The following ELP3 variants were observed in gnomAD, a reference collection of about 807,000 sequenced individuals.
ELP3 encodes elongator complex protein 3.
A neutral mutation model predicts 74.9 loss-of-function variants in ELP3; 56 were observed. That is an observed-to-expected ratio of 0.75 (90% CI 0.60 to 0.93). The LOEUF is 0.93. ELP3 is among the 40% of genes least tolerant of loss of function. The pLI, the probability that ELP3 is intolerant of heterozygous loss-of-function variation, is 0.00. For synonymous variants in ELP3, 222 were observed against 239.8 expected, an observed-to-expected ratio of 0.93 and a Z score of 0.68; for missense variants, 573 against 686.5, an observed-to-expected ratio of 0.83 and a Z score of 1.85.
At chr8:28,159,645 C>T (rs373911599) in intron 12 of ELP3, among the ~76,000 whole-genome samples, 1 of 152,190 alleles carries the variant, frequency 6.6e-6, no homozygotes, top group African/African-American at 2.4e-5. Context: ...AAGCTTCCCC[C>T]CAGAAGCTAC....
chr8:28,157,289 C>CAAAA (rs35938340), intron 11 of ELP3, among the ~76,000 whole-genome samples: 24 of 106,742 alleles, frequency 2.2e-4, no homozygotes, highest in African/African-American at 7.0e-4. Flanking sequence ...AAAAGCATGC[C>CAAAA]AAAAAAAAAA....
intron 14 of ELP3, among the ~76,000 whole-genome samples, chr8:28,185,036 G>T (rs1815182455): frequency 6.6e-6 from 1 of 152,138 alleles, no homozygotes; most frequent in South Asian, 2.1e-4. Context: ...ATGGGTGCAG[G>T]GAGGTTCAGT....
intron 14 of ELP3, among the ~76,000 whole-genome samples, chr8:28,189,224 C>T (rs925593198): frequency 6.6e-6 from 1 of 152,244 alleles, no homozygotes; most frequent in Admixed American, 6.5e-5. Context: ...CTCTTTAAAA[C>T]TTCTGGGAAA....
chr8:28,134,372 G>A lies in ELP3; in HGVS notation c.906+1968G>A, dbSNP rs186390008. On this transcript the variant is annotated intron_variant, in intron 9 of 14. Transcript: ENST00000256398. ...GCAAGGACAACCTTTCTTGTAAACA[G>A]ATTTATTTGCTTGTTTGTAGTCTTT... is the stretch of plus-strand genomic sequence containing the variant. 3.3e-5 allele frequency among the ~76,000 whole-genome samples: 5 copies of A among 152,176 alleles called. No individual in the cohort carries two copies. The South Asian group carries it at 1.0e-3, about 32-fold the overall frequency.
intron 7 of ELP3, among the ~76,000 whole-genome samples, chr8:28,121,002 CT>C (rs1306476116): frequency 6.6e-6 from 1 of 152,092 alleles, no homozygotes; most frequent in Non-Finnish European, 1.5e-5. Flanking sequence ...TTCAAAATTG[CT>C]TTAGAAATTC....
At chr8:28,158,539 A>T in intron 11 of ELP3, 29 bp from the exon 12 acceptor site, 1 of 1,574,322 alleles carries the variant, frequency 6.4e-7, no homozygotes, top group Non-Finnish European at 8.7e-7. Context: ...CCACCCCCCA[A>T]CCCCGCTCAC....
Position 28,129,572 on chromosome 8 carries a change from CG to C in ELP3, c.689del (p.Arg230HisfsTer3). ...IETRPDYCMK[R>X]HLSDMLTYGC... ...AACCAGACCAGATTACTGCATGAAG[CG>C]ACATTTAAGTGACATGTTGACCTAT... On this transcript the variant is annotated frameshift_variant, in exon 8 of 15. Coordinates refer to ENST00000256398, the MANE Select transcript of ELP3 (RefSeq NM_018091.6). LOFTEE classifies it high-confidence loss of function. 6.2e-7 allele frequency: 1 copy of C among 1,614,138 alleles called. No individual in the cohort carries two copies.
intron 14 of ELP3, among the ~76,000 whole-genome samples, chr8:28,188,600 G>A (rs1815333563): frequency 1.3e-5 from 2 of 152,212 alleles, no homozygotes; most frequent in African/African-American, 4.8e-5. Flanking sequence ...TCCACTTGCT[G>A]GGAGCATGGT....
chr8:28,091,018 T>C (rs34247390), upstream of ELP3, among the ~76,000 whole-genome samples: 1 of 149,922 alleles, frequency 6.7e-6, no homozygotes, highest in East Asian at 2.0e-4. Flanking sequence ...GCCATTCTCC[T>C]GCCTCAGCCT....
intron 7 of ELP3, among the ~76,000 whole-genome samples, chr8:28,128,515 G>C (rs1043234180): frequency 4.6e-5 from 7 of 152,108 alleles, no homozygotes; most frequent in African/African-American, 1.4e-4. Flanking sequence ...AGAGAAGTCT[G>C]GGGTGGGTCC....
intron 3 of ELP3, among the ~76,000 whole-genome samples, chr8:28,102,989 G>T (rs537857806): frequency 6.6e-6 from 1 of 152,152 alleles, no homozygotes; most frequent in Non-Finnish European, 1.5e-5. Context: ...GGCCAACATG[G>T]TGAAACCCTG....
At chr8:28,097,157 C>G (rs1156584480) in intron 1 of ELP3, 62 bp from the exon 2 acceptor site, 2 of 1,178,404 alleles carry the variant, frequency 1.7e-6, no homozygotes, top group African/African-American at 3.0e-5. Flanking sequence ...GCTACTAAAT[C>G]AGATTTTAAA....
At position 28,107,911 on chromosome 8, in the gene ELP3, A is replaced by G. The variant is rs1243262120; in HGVS notation, c.330-2A>G. 8.7e-6 allele frequency: 14 copies of G among 1,613,628 alleles called. No homozygotes were observed. Among genetic ancestry groups the G allele is most frequent in the Non-Finnish European group, 2.5e-6 (3 of 1,179,782 alleles). On this transcript the variant is annotated splice_acceptor_variant, in intron 4 of 14. Transcript: ENST00000256398. LOFTEE classifies it high-confidence loss of function. ...ATTCTTGTTCTTTTGTTGTACTGGC[A>G]GATACTGCCCTGGTGGACCTGATTC...
upstream of ELP3, among the ~76,000 whole-genome samples, chr8:28,091,199 C>G (rs1189822450): frequency 2.0e-5 from 3 of 152,142 alleles, no homozygotes; most frequent in African/African-American, 7.2e-5. Context: ...AGCCACCGCG[C>G]CCGGCCGTAA....
At chr8:28,173,154 A>T (rs1430282183) in intron 14 of ELP3, among the ~76,000 whole-genome samples, 1 of 152,038 alleles carries the variant, frequency 6.6e-6, no homozygotes, top group African/African-American at 2.4e-5. Flanking sequence ...TAAATGAATT[A>T]TAAAGTGTCC....
rs1585683889 is a variant in ELP3, at chr8:28,132,226, A to C, written c.780-52A>C. ...TGTCACCCATTTATTTGTGTAACAG[A>C]TGTTACACAAATAGGTAGTGATTTT... On this transcript the variant is annotated intron_variant, in intron 8 of 14. Coordinates refer to ENST00000256398, the MANE Select transcript of ELP3 (RefSeq NM_018091.6). 5 of 1,575,858 alleles carry C rather than the reference A, an allele frequency of 3.2e-6. No homozygotes were observed. The East Asian group carries it at 9.0e-5, about 28-fold the overall frequency.
chr8:28,188,534 T>G (rs2130627721), intron 14 of ELP3, among the ~76,000 whole-genome samples: 1 of 152,184 alleles, frequency 6.6e-6, no homozygotes, highest in African/African-American at 2.4e-5. Context: ...ACAATGAAAC[T>G]CCATAAAAAT....
At chr8:28,162,615 G>A (rs543608959) in intron 14 of ELP3, among the ~76,000 whole-genome samples, 12 of 152,262 alleles carry the variant, frequency 7.9e-5, no homozygotes, top group African/African-American at 2.9e-4. Flanking sequence ...GGCTGGGTCC[G>A]AAAATTAAAC....
intron 1 of ELP3, among the ~76,000 whole-genome samples, chr8:28,095,530 T>G (rs1454646848): frequency 1.3e-5 from 2 of 152,216 alleles, no homozygotes; most frequent in African/African-American, 4.8e-5. Flanking sequence ...CTGGAAGTGC[T>G]GAGTTACATG....
Sources: allele counts gnomAD v4.1 joint callset (sites outside exome capture counted in the v4.1 genomes callset), GRCh38; gene constraint gnomAD v4.1.1; transcripts MANE v1.5; gene names NCBI Gene and HGNC (gene_info 2026-07-23, HGNC 2026-07-21).